MNAT1: variants seen among roughly 807,000 people sequenced by gnomAD.
The protein encoded by MNAT1 is MNAT1 component of CDK activating kinase, also known as CDK-activating kinase assembly factor MAT1.
A neutral mutation model predicts 42.0 loss-of-function variants in MNAT1; 43 were observed. The ratio of observed to expected loss-of-function variants is 1.02; its 90% CI spans 0.80 to 1.32. The LOEUF (loss-of-function observed/expected upper bound fraction) is 1.32. MNAT1 is among the 40% of genes most tolerant of loss of function. The pLI is 0.00. For synonymous variants in MNAT1, 118 were observed against 120.0 expected, an observed-to-expected ratio of 0.98 and a Z score of 0.11; for missense variants, 306 against 350.4, an observed-to-expected ratio of 0.87 and a Z score of 1.01.
At chr14:60,741,423 G>C (rs1009602386) in intron 1 of MNAT1, among the ~76,000 whole-genome samples, 8 of 151,786 alleles carry the variant, frequency 5.3e-5, no homozygotes, top group Admixed American at 2.6e-4. Flanking sequence ...GCAGTGGCGC[G>C]ATCTCAGCTC....
At chr14:60,896,581 G>C (rs2034960908) in intron 7 of MNAT1, among the ~76,000 whole-genome samples, 1 of 152,128 alleles carries the variant, frequency 6.6e-6, no homozygotes. Flanking sequence ...CGCTTCCTGG[G>C]TTCACGCAAC....
intron 3 of MNAT1, 44 bp downstream of exon 3, chr14:60,798,204 CT>C: frequency 9.9e-7 from 1 of 1,005,436 alleles, no homozygotes; most frequent in Non-Finnish European, 1.5e-6. Context: ...AGACCATGTG[CT>C]TTTATCTTTT....
intron 6 of MNAT1, among the ~76,000 whole-genome samples, chr14:60,830,261 GTCAGGAATTT>G (rs769453078): frequency 3.9e-5 from 6 of 152,152 alleles, no homozygotes; most frequent in Admixed American, 6.5e-5. Context: ...ATAGTTTTCA[GTCAGGAATTT>G]TCTTCTGATG....
intron 1 of MNAT1, among the ~76,000 whole-genome samples, chr14:60,748,933 G>A (rs1028469796): frequency 1.3e-5 from 2 of 152,108 alleles, no homozygotes; most frequent in Non-Finnish European, 2.9e-5. Flanking sequence ...TCATACGACT[G>A]GTGGTACAGT....
At chr14:60,819,978 C>G (rs2032832695) in intron 6 of MNAT1, among the ~76,000 whole-genome samples, 1 of 152,090 alleles carries the variant, frequency 6.6e-6, no homozygotes, top group Non-Finnish European at 1.5e-5. Context: ...AATGGCTATA[C>G]TAATTCCCTA....
intron 7 of MNAT1, among the ~76,000 whole-genome samples, chr14:60,895,090 T>G (rs2034923795): frequency 6.6e-6 from 1 of 152,210 alleles, no homozygotes; most frequent in African/African-American, 2.4e-5. Flanking sequence ...TACAGAGGAC[T>G]TTAGTTATTA....
rs559365391 is a variant in MNAT1 at position 60,780,028 on chromosome 14, C to G, written c.90-16189C>G. On this transcript the variant is annotated intron_variant, in intron 1 of 7. Coordinates refer to ENST00000261245, the MANE Select transcript of MNAT1 (RefSeq NM_002431.4). Reference sequence around the variant, plus strand: ...AGGGAATCACCCTGCGTGGGAGTGCCGAAATCGTGGACGAGTTCTTCTCAT... The same window carrying G: ...AGGGAATCACCCTGCGTGGGAGTGCGGAAATCGTGGACGAGTTCTTCTCAT... 1.3e-4 allele frequency: 209 copies of G among 1,550,916 alleles called. 1 individual carries two copies. The South Asian group carries it at 2.2e-3, about 16-fold the overall frequency.
intron 1 of MNAT1, among the ~76,000 whole-genome samples, chr14:60,758,954 G>A (rs771811728): frequency 1.6e-4 from 24 of 152,020 alleles, no homozygotes; most frequent in African/African-American, 5.1e-4. Context: ...TTAGGAAGAC[G>A]CACCACGTTT....
At chr14:60,754,821 T>C (rs1194098718) in intron 1 of MNAT1, among the ~76,000 whole-genome samples, 1 of 152,180 alleles carries the variant, frequency 6.6e-6, no homozygotes, top group Non-Finnish European at 1.5e-5. Context: ...AATTTAGTGT[T>C]TTTAGTGAGA....
intron 1 of MNAT1, among the ~76,000 whole-genome samples, chr14:60,764,495 T>A (rs1050100194): frequency 6.6e-6 from 1 of 152,210 alleles, no homozygotes; most frequent in Non-Finnish European, 1.5e-5. Flanking sequence ...CCCATACTTT[T>A]GGTCCCTTGT....
chr14:60,894,817 A>G (rs1245167511), intron 7 of MNAT1, among the ~76,000 whole-genome samples: 3 of 152,180 alleles, frequency 2.0e-5, no homozygotes, highest in Non-Finnish European at 2.9e-5. Flanking sequence ...CATACATTTT[A>G]TATCTACAAC....
intron 7 of MNAT1, among the ~76,000 whole-genome samples, chr14:60,937,617 GT>G: frequency 6.6e-6 from 1 of 152,182 alleles, no homozygotes; most frequent in Non-Finnish European, 1.5e-5. Context: ...GTACCATGCT[GT>G]TTTGGTTACT....
At chr14:60,910,569 A>G (rs2035326597) in intron 7 of MNAT1, among the ~76,000 whole-genome samples, 1 of 152,232 alleles carries the variant, frequency 6.6e-6, no homozygotes, top group Admixed American at 6.5e-5. Context: ...CCTTTTCTGC[A>G]TCTATTGAGA....
chr14:60,815,262 C>T (rs2032676218), intron 5 of MNAT1, among the ~76,000 whole-genome samples: 1 of 151,828 alleles, frequency 6.6e-6, no homozygotes, highest in African/African-American at 2.4e-5. Flanking sequence ...TGTGCCCCAG[C>T]TGGAGTGCAG....
chr14:60,954,728 C>T (rs1223281561), intron 7 of MNAT1, among the ~76,000 whole-genome samples: 2 of 152,122 alleles, frequency 1.3e-5, no homozygotes, highest in Non-Finnish European at 2.9e-5. Context: ...TGCCTAATTG[C>T]TCTGGCTATA....
At chr14:60,744,531 GTATAT>G (rs1412731168) in intron 1 of MNAT1, among the ~76,000 whole-genome samples, 4 of 152,286 alleles carry the variant, frequency 2.6e-5, no homozygotes, top group East Asian at 3.9e-4. Context: ...ATTGTAGGTG[GTATAT>G]TATAGAGATT....
chr14:60,905,960 A>G (rs1367878299), intron 7 of MNAT1, among the ~76,000 whole-genome samples: 1 of 152,214 alleles, frequency 6.6e-6, no homozygotes, highest in East Asian at 1.9e-4. Context: ...AAAATTCCAT[A>G]TGATAATTAG....
At chr14:60,785,009 T>G (rs1402210312) in intron 1 of MNAT1, among the ~76,000 whole-genome samples, 1 of 152,078 alleles carries the variant, frequency 6.6e-6, no homozygotes, top group African/African-American at 2.4e-5. Flanking sequence ...TGTACCACCA[T>G]GCCCAGCTAA....
intron 1 of MNAT1, among the ~76,000 whole-genome samples, chr14:60,771,117 CG>C (rs1378072822): frequency 6.6e-6 from 1 of 151,942 alleles, no homozygotes; most frequent in Non-Finnish European, 1.5e-5. Flanking sequence ...TAGGAAATGC[CG>C]TTTTGTTCTT....
Sources: gnomAD v4.1 joint callset for allele counts (sites outside exome capture counted in the v4.1 genomes callset) on GRCh38, gnomAD v4.1.1 for gene constraint, MANE v1.5 for transcripts, NCBI Gene and HGNC (gene_info 2026-07-23, HGNC 2026-07-21) for gene names.